Variants in PDCD4 observed in about 807,000 individuals in gnomAD.
PDCD4 encodes programmed cell death protein 4.
Under a neutral mutation model 54.0 loss-of-function variants are expected in PDCD4, and 56 were observed. That is an observed-to-expected ratio of 1.04 (90% CI 0.84 to 1.30). PDCD4 has a LOEUF of 1.30. Ranked by LOEUF, PDCD4 falls within the 50% of genes most tolerant of loss-of-function variation. The pLI, the probability that PDCD4 is intolerant of heterozygous loss-of-function variation, is 0.00. For missense variants in PDCD4, 584 were observed against 559.8 expected, an observed-to-expected ratio of 1.04 and a Z score of -0.44; for synonymous variants, 186 against 194.8, an observed-to-expected ratio of 0.95 and a Z score of 0.37.
At chr10:110,882,677 C>T (rs1212502501) in intron 3 of PDCD4, among the ~76,000 whole-genome samples, 6 of 152,062 alleles carry the variant, frequency 3.9e-5, no homozygotes, top group African/African-American at 9.7e-5. Context: ...AAAGAAATGT[C>T]GAATAAAATT....
chr10:110,887,374 A>C (rs1845683964), intron 5 of PDCD4, among the ~76,000 whole-genome samples: 1 of 152,188 alleles, frequency 6.6e-6, no homozygotes, highest in African/African-American at 2.4e-5. Context: ...TGAATTTCTC[A>C]GAATGTATCT....
In PDCD4 at chr10:110,899,966, CTTCAAA is replaced by C. The variant is rs764810501; in HGVS notation, c.*1883_*1888del. On this transcript the variant is annotated 3_prime_UTR_variant, in exon 12 of 12. Transcript: ENST00000280154. The stretch of plus-strand genomic sequence containing the variant: ...CACTTTATGCAAGATTGGAATGTAT[CTTCAAA>C]TTCAGATTTAATAAACATGTAAAGA... The C allele has an allele frequency of 2.7e-4, 43 of 159,936 alleles. No individual in the cohort carries two copies. The highest frequency in any genetic ancestry group is 3.1e-3 in the Middle Eastern group (1 of 318). 9.9% of individuals were successfully genotyped at this position (159,936 alleles called of 1,614,324 possible).
At position 110,899,232 on chromosome 10, in the gene PDCD4, AATTAT is replaced by A. The variant is rs1845911482; in HGVS notation, c.*1148_*1152del. 2 of 152,204 alleles carry A rather than the reference AATTAT, an allele frequency of 1.3e-5. No individual in the cohort carries two copies. The highest frequency in any genetic ancestry group is 6.5e-5 in the Admixed American group (1 of 15,284). The allele number at this position is 152,204 out of a possible 1,614,324, so 9.4% of individuals were successfully genotyped here. On this transcript the variant is annotated 3_prime_UTR_variant, in exon 12 of 12. Coordinates refer to ENST00000280154, the MANE Select transcript of PDCD4 (RefSeq NM_014456.5). ...CCAAATATTGACTGCAGCAAACAAG[AATTAT>A]ATTCAGAATTTATGAGGGTACTGTT...
chr10:110,889,502 T>G (rs1845723280), intron 6 of PDCD4, 31 bp from the exon 7 acceptor site: 1 of 1,281,396 alleles, frequency 7.8e-7, no homozygotes, highest in Admixed American at 2.0e-5. Context: ...TTTAACTTTT[T>G]TTATAGCTCT....
rs1845897514 is a variant in PDCD4, at chr10:110,898,891, G to A, written c.*803G>A. The A allele has an allele frequency of 6.6e-6, 1 of 152,360 alleles. No homozygotes were observed. Among genetic ancestry groups the A allele is most frequent in the Admixed American group, 6.6e-5 (1 of 15,262 alleles). 9.4% of individuals were successfully genotyped at this position (152,360 alleles called of 1,614,324 possible). ...TTTTTTTCCCTACAAAATTTTAAGT[G>A]AAAAATACAATAGTAAATTAAGATT... On this transcript the variant is annotated 3_prime_UTR_variant, in exon 12 of 12. Coordinates refer to ENST00000280154, the MANE Select transcript of PDCD4 (RefSeq NM_014456.5).
chr10:110,885,442 A>G (rs978401377), intron 5 of PDCD4, 76 bp downstream of exon 5: 29 of 652,422 alleles, frequency 4.4e-5, no homozygotes, highest in East Asian at 8.3e-5. Context: ...TACATCTACA[A>G]TGATCTTGGG....
At chr10:110,890,279 A>T (rs150149652) in intron 7 of PDCD4, among the ~76,000 whole-genome samples, 1 of 152,290 alleles carries the variant, frequency 6.6e-6, no homozygotes, top group Non-Finnish European at 1.5e-5. Flanking sequence ...GGTGAAAGTT[A>T]ATTATATGTG....
intron 4 of PDCD4, 117 bp downstream of exon 4, chr10:110,883,214 A>G: frequency 1.5e-6 from 1 of 651,718 alleles, no homozygotes; most frequent in Non-Finnish European, 2.6e-6. Context: ...TGGATTAGGA[A>G]ACCAAGTAAA....
At position 110,898,087 on chromosome 10, in the gene PDCD4, G is replaced by C; in HGVS notation, c.1409G>C (p.Ter470SerextTer2). The C allele has an allele frequency of 6.4e-7, 1 of 1,553,294 alleles. No homozygotes were observed. Among genetic ancestry groups the C allele is most frequent in the South Asian group, 1.2e-5 (1 of 83,298 alleles). Residue 470 changes from the stop codon to serine, a stop_lost, in exon 12 of 12, where the codon TGA (stop) becomes TCA (serine). Coordinates refer to ENST00000280154, the MANE Select transcript of PDCD4 (RefSeq NM_014456.5). ...DGGRLKPESY[*>S] is the part of the protein sequence containing the mutation. ...GGTCGTCTTAAACCAGAGAGCTACT[G>C]AATATAAGAACTCTTGCAGTCTTAG...
chr10:110,882,788 G>C (rs1845611403), intron 3 of PDCD4, among the ~76,000 whole-genome samples: 1 of 151,548 alleles, frequency 6.6e-6, no homozygotes. Context: ...TGCTTTTTTA[G>C]TTTTTAACTT....
chr10:110,875,280 C>T (rs1011772967), intron 1 of PDCD4, among the ~76,000 whole-genome samples: 1 of 151,884 alleles, frequency 6.6e-6, no homozygotes, highest in African/African-American at 2.4e-5. Context: ...ATGCTTATGT[C>T]GTTGTACTTA....
Position 110,887,690 on chromosome 10 carries a change from G to GT in PDCD4, c.582dup (p.Glu195Ter). ...GAAATGTTAAGAGATTTAAATCTTG[G>GT]TGAAATGAAAAGTGGAGTACCAGTG... On this transcript the variant is annotated frameshift_variant, in exon 6 of 12. Coordinates refer to ENST00000280154, the MANE Select transcript of PDCD4 (RefSeq NM_014456.5). LOFTEE classifies it high-confidence loss of function. 1 of 1,612,084 alleles carries GT rather than the reference G, an allele frequency of 6.2e-7. No individual in the cohort carries two copies. Among genetic ancestry groups the GT allele is most frequent in the South Asian group, 1.1e-5 (1 of 90,884 alleles).
chr10:110,894,042 A>G, intron 8 of PDCD4, 49 bp from the exon 9 acceptor site: 1 of 1,132,130 alleles, frequency 8.8e-7, no homozygotes, highest in Non-Finnish European at 1.3e-6. Flanking sequence ...CAAGCACGAT[A>G]TTTTAAAAGT....
intron 2 of PDCD4, among the ~76,000 whole-genome samples, chr10:110,878,829 T>C (rs1327758319): frequency 6.6e-6 from 1 of 150,916 alleles, no homozygotes. Flanking sequence ...CCTTAGCTAA[T>C]AGGTACCAGG....
intron 4 of PDCD4, chr10:110,884,806 T>TTTA (rs966059756): frequency 6.6e-6 from 1 of 152,192 alleles, no homozygotes; most frequent in Non-Finnish European, 1.5e-5. Flanking sequence ...TTTATTATGA[T>TTTA]TTATTATTAT....
chr10:110,886,426 A>G (rs1421642193), intron 5 of PDCD4, among the ~76,000 whole-genome samples: 1 of 152,146 alleles, frequency 6.6e-6, no homozygotes, highest in Non-Finnish European at 1.5e-5. Flanking sequence ...GTTTGAGGGT[A>G]GTGGATTAGT....
In PDCD4 at chr10:110,881,432, G is replaced by A; in HGVS notation, c.243G>A (p.Gly81=). ...SGRGDSVSDS[G]SDALRSGLTV... ...GAGGCGATTCGGTCAGCGACAGTGG[G>A]AGTGACGCCCTTAGAAGTGGATTAA... is the stretch of plus-strand genomic sequence containing the variant. Residue 81 remains glycine, a synonymous_variant, in exon 3 of 12, where the codon GGG becomes GGA. Coordinates refer to ENST00000280154, the MANE Select transcript of PDCD4 (RefSeq NM_014456.5). The A allele has an allele frequency of 6.2e-7, 1 of 1,614,208 alleles. No individual in the cohort carries two copies. The highest frequency in any genetic ancestry group is 8.5e-7 in the Non-Finnish European group (1 of 1,180,042).
At chr10:110,876,374 G>T (rs146331057) in intron 2 of PDCD4, among the ~76,000 whole-genome samples, 58 of 152,306 alleles carry the variant, frequency 3.8e-4, no homozygotes, top group African/African-American at 1.4e-3. Context: ...ATAAAAACAT[G>T]ATAGAAAAAC....
intron 5 of PDCD4, among the ~76,000 whole-genome samples, chr10:110,886,275 A>T (rs141407195): frequency 6.6e-6 from 1 of 152,320 alleles, no homozygotes; most frequent in East Asian, 1.9e-4. Flanking sequence ...CATAAGATCA[A>T]TTGTATACTA....
Sources: allele counts gnomAD v4.1 joint callset (sites outside exome capture counted in the v4.1 genomes callset), GRCh38; gene constraint gnomAD v4.1.1; transcripts MANE v1.5; gene names NCBI Gene and HGNC (gene_info 2026-07-23, HGNC 2026-07-21).